CTNNA2: variants seen among roughly 807,000 people sequenced by gnomAD.
The protein encoded by CTNNA2 is catenin alpha 2.
A neutral mutation model predicts 101.0 loss-of-function variants in CTNNA2; 42 were observed. The ratio of observed to expected loss-of-function variants is 0.42; its 90% confidence interval spans 0.32 to 0.54. CTNNA2 has a LOEUF of 0.54. Ranked by LOEUF, CTNNA2 falls within the 20% of genes least tolerant of loss-of-function variation. The pLI is 0.14. For missense variants in CTNNA2, 871 were observed against 1,223.1 expected (o/e 0.71, Z 4.29); for synonymous variants, 450 against 456.4 (o/e 0.99, Z 0.18).
intron 2 of CTNNA2, among the ~76,000 whole-genome samples, chr2:79,270,657 T>A (rs1239865532): frequency 2.6e-5 from 4 of 151,924 alleles, no homozygotes. Flanking sequence ...AGAAATCTTC[T>A]CAGATAACCC....
At chr2:79,660,370 C>T (rs1256006092) in intron 2 of CTNNA2, among the ~76,000 whole-genome samples, 2 of 150,124 alleles carry the variant, frequency 1.3e-5, no homozygotes, top group Non-Finnish European at 3.0e-5. Context: ...TAAATACATA[C>T]ACATATATAG....
chr2:79,314,957 C>A (rs1042648674), intron 3 of CTNNA2, among the ~76,000 whole-genome samples: 7 of 152,168 alleles, frequency 4.6e-5, no homozygotes, highest in African/African-American at 1.7e-4. Flanking sequence ...CTCAAAGGCA[C>A]ATTTTGGAAA....
At chr2:80,382,673 C>G (rs1000805726) in intron 7 of CTNNA2, among the ~76,000 whole-genome samples, 1 of 152,188 alleles carries the variant, frequency 6.6e-6, no homozygotes, top group Non-Finnish European at 1.5e-5. Flanking sequence ...GACTGTGGAT[C>G]CCCACATAGA....
At chr2:79,842,009 T>A (rs1228215262) in intron 3 of CTNNA2, among the ~76,000 whole-genome samples, 1 of 152,214 alleles carries the variant, frequency 6.6e-6, no homozygotes, top group Admixed American at 6.5e-5. Context: ...TCTCCTACTT[T>A]ATATATCCCT....
chr2:80,028,982 A>T (rs1316338243), intron 7 of CTNNA2, among the ~76,000 whole-genome samples: 1 of 152,242 alleles, frequency 6.6e-6, no homozygotes, highest in African/African-American at 2.4e-5. Context: ...ACCAAATTTT[A>T]GGTAATTTGT....
intron 4 of CTNNA2, among the ~76,000 whole-genome samples, chr2:79,435,494 G>C (rs1051279896): frequency 2.6e-4 from 39 of 152,246 alleles, no homozygotes; most frequent in Middle Eastern, 6.8e-3. Context: ...ATGCTACCTT[G>C]CTCCACTCAA....
intron 7 of CTNNA2, among the ~76,000 whole-genome samples, chr2:80,115,565 A>G (rs1161958367): frequency 6.6e-6 from 1 of 152,202 alleles, no homozygotes; most frequent in Admixed American, 6.5e-5. Flanking sequence ...CAAGTTGACA[A>G]TCTTAAAGCA....
chr2:79,287,346 T>A (rs1182614146), intron 2 of CTNNA2, among the ~76,000 whole-genome samples: 5 of 152,210 alleles, frequency 3.3e-5, no homozygotes, highest in Non-Finnish European at 5.9e-5. Flanking sequence ...TTTTAGAGTT[T>A]CCAGTTTTTC....
At chr2:79,619,066 C>T (rs950734289) in intron 1 of CTNNA2, among the ~76,000 whole-genome samples, 4 of 152,038 alleles carry the variant, frequency 2.6e-5, no homozygotes, top group African/African-American at 7.2e-5. Flanking sequence ...ATTAGCTGGG[C>T]GTGGTGGCGG....
intron 4 of CTNNA2, among the ~76,000 whole-genome samples, chr2:79,483,436 A>G (rs930078275): frequency 6.6e-6 from 1 of 152,176 alleles, no homozygotes; most frequent in Admixed American, 6.5e-5. Flanking sequence ...AGCTGCAATC[A>G]AGGTATCAGC....
At chr2:79,899,923 C>T (rs1684967881) in intron 6 of CTNNA2, among the ~76,000 whole-genome samples, 1 of 152,034 alleles carries the variant, frequency 6.6e-6, no homozygotes, top group Admixed American at 6.6e-5. Flanking sequence ...AAAGATTCAC[C>T]CTGGGAAAGC....
In CTNNA2 at chr2:79,718,479, A is replaced by G. The variant is rs1435167865; in HGVS notation, c.103-25908A>G. Among the ~76,000 whole-genome samples, 8 of 152,294 alleles carry G rather than the reference A, an allele frequency of 5.3e-5. No individual in the cohort carries two copies. The South Asian group carries it at 1.7e-3, about 32-fold the overall frequency. ...AATGATCTGCTCCCCACTTTATTCC[A>G]CTTTAGAATTCTTGCCACATTTATT... On this transcript the variant is annotated intron_variant, in intron 2 of 18. Coordinates refer to ENST00000402739, the MANE Select transcript of CTNNA2 (RefSeq NM_001282597.3).
At chr2:79,586,547 C>CT (rs1337306256) in intron 1 of CTNNA2, among the ~76,000 whole-genome samples, 5 of 140,636 alleles carry the variant, frequency 3.6e-5, no homozygotes, top group African/African-American at 5.2e-5. Flanking sequence ...AGCACTTTTT[C>CT]TTTTTTTGTT....
intron 7 of CTNNA2, among the ~76,000 whole-genome samples, chr2:79,972,819 CGTT>C (rs1248059893): frequency 6.6e-6 from 1 of 151,994 alleles, no homozygotes; most frequent in East Asian, 1.9e-4. Context: ...TGGCAGCCCT[CGTT>C]ATTTATAGTT....
chr2:79,220,749 A>G (rs1261463701), intron 2 of CTNNA2, among the ~76,000 whole-genome samples: 4 of 152,304 alleles, frequency 2.6e-5, no homozygotes, highest in South Asian at 4.1e-4. Context: ...ATAGAAATCA[A>G]TAAGTTATAT....
At chr2:79,270,071 T>A (rs999801892) in intron 2 of CTNNA2, among the ~76,000 whole-genome samples, 1 of 152,126 alleles carries the variant, frequency 6.6e-6, no homozygotes, top group Non-Finnish European at 1.5e-5. Flanking sequence ...CTCTTCTTCC[T>A]TTGTTTCTTC....
chr2:80,116,017 A>G (rs543542608), intron 7 of CTNNA2, among the ~76,000 whole-genome samples: 3 of 152,032 alleles, frequency 2.0e-5, no homozygotes, highest in Admixed American at 1.3e-4. Flanking sequence ...GACAAATTGT[A>G]AAGAATGTCT....
At chr2:79,612,836 T>C (rs894002470) in intron 1 of CTNNA2, among the ~76,000 whole-genome samples, 13 of 152,060 alleles carry the variant, frequency 8.5e-5, no homozygotes, top group Non-Finnish European at 1.8e-4. Flanking sequence ...CCAAAGAAAA[T>C]CATAGTTTAA....
At chr2:79,980,548 A>C (rs1691191158) in intron 7 of CTNNA2, among the ~76,000 whole-genome samples, 1 of 152,158 alleles carries the variant, frequency 6.6e-6, no homozygotes, top group South Asian at 2.1e-4. Context: ...CTACAATTAC[A>C]TTTTGAAACC....
Sources: allele counts gnomAD v4.1 joint callset (sites outside exome capture counted in the v4.1 genomes callset), GRCh38; gene constraint gnomAD v4.1.1; transcripts MANE v1.5; gene names NCBI Gene and HGNC (gene_info 2026-07-23, HGNC 2026-07-21).